The following KCTD8 variants were observed in gnomAD, a reference collection of about 807,000 sequenced individuals.
The protein encoded by KCTD8 is potassium channel tetramerization domain containing 8, also known as BTB/POZ domain-containing protein KCTD8.
In KCTD8, 27 loss-of-function variants were observed where a neutral mutation model predicts 31.5. That is an observed-to-expected ratio of 0.86 (90% CI 0.63 to 1.18). KCTD8 has a LOEUF of 1.18. Ranked by LOEUF, KCTD8 falls within the 50% of genes most tolerant of loss-of-function variation. KCTD8 has a pLI of 0.00. For missense variants in KCTD8, 658 were observed against 647.7 expected (o/e 1.02, Z -0.17); for synonymous variants, 290 against 280.0 (o/e 1.04, Z -0.36).
At chr4:44,394,530 C>T (rs1720448174) in intron 1 of KCTD8, among the ~76,000 whole-genome samples, 1 of 152,054 alleles carries the variant, frequency 6.6e-6, no homozygotes, top group Admixed American at 6.6e-5. Flanking sequence ...GTCATAAAAA[C>T]TCACTGATGT....
Position 44,266,852 on chromosome 4 carries a change from A to T in KCTD8, c.962-91602T>A, listed in dbSNP as rs574677947. Among the ~76,000 whole-genome samples, 1,372 of 152,158 alleles carry T rather than the reference A, an allele frequency of 9.0e-3. 18 individuals are homozygous for T. Among genetic ancestry groups the T allele is most frequent in the African/African-American group, 0.031 (1,284 of 41,490 alleles). Reference sequence around the variant, plus strand: ...TCAACAAGAAGAGCTAACTATCCTAAATATATAGGCACCCAATACAGGAGC... The same window carrying T: ...TCAACAAGAAGAGCTAACTATCCTATATATATAGGCACCCAATACAGGAGC... On this transcript the variant is annotated intron_variant, in intron 1 of 1. Transcript: ENST00000360029.
intron 1 of KCTD8, among the ~76,000 whole-genome samples, chr4:44,407,388 T>A (rs1017223559): frequency 1.3e-5 from 2 of 151,408 alleles, no homozygotes; most frequent in African/African-American, 4.8e-5. Context: ...TCTCTTTTTT[T>A]CTTTTTTTTT....
At chr4:44,210,346 T>C in intron 1 of KCTD8, among the ~76,000 whole-genome samples, 1 of 152,200 alleles carries the variant, frequency 6.6e-6, no homozygotes, top group Non-Finnish European at 1.5e-5. Flanking sequence ...ATCTTATACA[T>C]GTATTGTCTA....
intron 1 of KCTD8, among the ~76,000 whole-genome samples, chr4:44,229,295 G>T (rs773935766): frequency 1.3e-5 from 2 of 152,180 alleles, no homozygotes; most frequent in African/African-American, 4.8e-5. Flanking sequence ...GTGCCAGGGA[G>T]AGGCTATTTC....
intron 1 of KCTD8, among the ~76,000 whole-genome samples, chr4:44,378,473 TAAATA>T (rs1719975037): frequency 6.6e-6 from 1 of 151,662 alleles, no homozygotes; most frequent in Non-Finnish European, 1.5e-5. Flanking sequence ...AATAAATAAA[TAAATA>T]AAATAAAGTT....
intron 1 of KCTD8, among the ~76,000 whole-genome samples, chr4:44,176,245 T>TA (rs1408418501): frequency 1.3e-5 from 2 of 152,202 alleles, no homozygotes; most frequent in Non-Finnish European, 2.9e-5. Context: ...TCAGTGTTTT[T>TA]AAACAATTGC....
intron 1 of KCTD8, among the ~76,000 whole-genome samples, chr4:44,256,802 A>AGGGCTGC (rs1716005770): frequency 6.6e-6 from 1 of 151,884 alleles, no homozygotes; most frequent in South Asian, 2.1e-4. Context: ...AAAGGCAAGA[A>AGGGCTGC]CTTCAAGGAG....
intron 1 of KCTD8, among the ~76,000 whole-genome samples, chr4:44,321,859 C>T (rs1339537750): frequency 2.6e-5 from 4 of 152,066 alleles, no homozygotes; most frequent in Non-Finnish European, 4.4e-5. Flanking sequence ...TAATATTTGT[C>T]TTTCTCTGAC....
chr4:44,235,246 A>G (rs914388226), intron 1 of KCTD8, among the ~76,000 whole-genome samples: 1 of 150,102 alleles, frequency 6.7e-6, no homozygotes, highest in Non-Finnish European at 1.5e-5. Flanking sequence ...AACTTTTTAT[A>G]CATGAGAAAC....
At chr4:44,276,547 T>C (rs1261367914) in intron 1 of KCTD8, among the ~76,000 whole-genome samples, 1 of 151,986 alleles carries the variant, frequency 6.6e-6, no homozygotes, top group Non-Finnish European at 1.5e-5. Context: ...AGATTCCAAA[T>C]AAATAATAAT....
chr4:44,199,862 A>C (rs913569160), intron 1 of KCTD8, among the ~76,000 whole-genome samples: 1 of 151,972 alleles, frequency 6.6e-6, no homozygotes, highest in African/African-American at 2.4e-5. Flanking sequence ...AATGAAACCG[A>C]GACTTGATTA....
chr4:44,283,658 C>T (rs781371872), intron 1 of KCTD8, among the ~76,000 whole-genome samples: 1 of 151,988 alleles, frequency 6.6e-6, no homozygotes, highest in Non-Finnish European at 1.5e-5. Context: ...CTATTGAGAC[C>T]TACTACATAG....
chr4:44,263,811 T>A (rs1716252053), intron 1 of KCTD8, among the ~76,000 whole-genome samples: 1 of 152,090 alleles, frequency 6.6e-6, no homozygotes, highest in South Asian at 2.1e-4. Flanking sequence ...ATCCAACCAA[T>A]TCAAATATCC....
chr4:44,182,540 G>A (rs1440662221), intron 1 of KCTD8, among the ~76,000 whole-genome samples: 1 of 152,156 alleles, frequency 6.6e-6, no homozygotes, highest in East Asian at 1.9e-4. Context: ...GGGTTAAATG[G>A]ATTAAGGGCG....
chr4:44,218,912 T>C (rs1714729241), intron 1 of KCTD8, among the ~76,000 whole-genome samples: 1 of 152,158 alleles, frequency 6.6e-6, no homozygotes, highest in Admixed American at 6.5e-5. Context: ...GAATTATGTT[T>C]TCCTAAGCAT....
chr4:44,224,301 C>T (rs946353099), intron 1 of KCTD8, among the ~76,000 whole-genome samples: 1 of 152,182 alleles, frequency 6.6e-6, no homozygotes, highest in Non-Finnish European at 1.5e-5. Flanking sequence ...CAGAAGTGCT[C>T]TATCAAACTG....
chr4:44,358,865 T>G (rs1719424611), intron 1 of KCTD8, among the ~76,000 whole-genome samples: 1 of 152,220 alleles, frequency 6.6e-6, no homozygotes, highest in Non-Finnish European at 1.5e-5. Context: ...ATTGCCATTC[T>G]AACTGGCATG....
chr4:44,235,526 TA>T (rs778243465), intron 1 of KCTD8, among the ~76,000 whole-genome samples: 2,751 of 7,968 alleles, frequency 0.35, 121 homozygotes, highest in Middle Eastern at 0.5. Flanking sequence ...GACACTGGAT[TA>T]TATATATATA....
intron 1 of KCTD8, among the ~76,000 whole-genome samples, chr4:44,287,204 C>G (rs1254392110): frequency 6.6e-6 from 1 of 151,964 alleles, no homozygotes; most frequent in African/African-American, 2.4e-5. Flanking sequence ...AATGCTTGAG[C>G]CCATGAGTTC....
Sources: allele counts gnomAD v4.1 joint callset (sites outside exome capture counted in the v4.1 genomes callset), GRCh38; gene constraint gnomAD v4.1.1; transcripts MANE v1.5; gene names NCBI Gene and HGNC (gene_info 2026-07-23, HGNC 2026-07-21).